Variants in SEC24B observed in about 807,000 individuals in gnomAD.
SEC24B encodes SEC24 homolog B, COPII component.
In SEC24B, 45 loss-of-function variants were observed where a neutral mutation model predicts 142.8. The ratio of observed to expected loss-of-function variants is 0.32; its 90% CI spans 0.25 to 0.40. SEC24B has a LOEUF of 0.40. SEC24B is among the 10% of genes least tolerant of loss of function. The probability of loss-of-function intolerance (pLI) is 1.00; values close to 1 mark genes in which losing one functional copy is unlikely to be tolerated. For missense variants in SEC24B, 1,409 were observed against 1,526.8 expected (o/e 0.92, Z 1.29); for synonymous variants, 574 against 568.2 (o/e 1.01, Z -0.15).
chr4:109,533,510 T>G, intron 21 of SEC24B, 83 bp from the exon 22 acceptor site: 1 of 849,404 alleles, frequency 1.2e-6, no homozygotes, highest in Non-Finnish European at 2.0e-6. Context: ...TTCTACCTTA[T>G]TTGAGGTGAT....
At chr4:109,497,404 T>A (rs1306325193) in intron 6 of SEC24B, among the ~76,000 whole-genome samples, 1 of 152,198 alleles carries the variant, frequency 6.6e-6, no homozygotes, top group Non-Finnish European at 1.5e-5. Context: ...CCTTTTTATA[T>A]TCTGGGTCTA....
At chr4:109,436,374 G>T (rs867639986) in intron 1 of SEC24B, among the ~76,000 whole-genome samples, 1 of 152,150 alleles carries the variant, frequency 6.6e-6, no homozygotes, top group Admixed American at 6.5e-5. Context: ...AAAGTAGTTA[G>T]CCTTTTAATA....
intron 3 of SEC24B, among the ~76,000 whole-genome samples, chr4:109,478,822 G>T (rs1238382050): frequency 4.6e-5 from 7 of 152,162 alleles, no homozygotes; most frequent in African/African-American, 1.7e-4. Flanking sequence ...TTTTTTAGGT[G>T]GGTAAGTTTG....
At chr4:109,522,969 A>G (rs6834714) in intron 14 of SEC24B, among the ~76,000 whole-genome samples, 17,641 of 152,136 alleles carry the variant, frequency 0.12, 3,405 homozygotes, top group African/African-American at 0.4. Context: ...GCCGAGATCA[A>G]GCAATACCCC....
intron 2 of SEC24B, among the ~76,000 whole-genome samples, chr4:109,466,626 G>A (rs1035468941): frequency 6.6e-6 from 1 of 152,168 alleles, no homozygotes; most frequent in Non-Finnish European, 1.5e-5. Flanking sequence ...TGGCCAGGAT[G>A]GTCTTGATCT....
intron 10 of SEC24B, among the ~76,000 whole-genome samples, chr4:109,515,395 C>T (rs181693743): frequency 5.3e-5 from 8 of 152,306 alleles, no homozygotes; most frequent in African/African-American, 1.9e-4. Flanking sequence ...GCTACTGCTC[C>T]TGGCTCCAGT....
At chr4:109,458,486 G>A (rs911808740) in intron 1 of SEC24B, among the ~76,000 whole-genome samples, 1 of 152,162 alleles carries the variant, frequency 6.6e-6, no homozygotes, top group East Asian at 1.9e-4. Context: ...ATTGCAACTG[G>A]TAGGAAGTTA....
intron 22 of SEC24B, among the ~76,000 whole-genome samples, chr4:109,535,293 C>T (rs1411693456): frequency 6.6e-6 from 1 of 152,170 alleles, no homozygotes; most frequent in Non-Finnish European, 1.5e-5. Context: ...GTGGCTCACA[C>T]CTGTAATCCC....
intron 1 of SEC24B, among the ~76,000 whole-genome samples, chr4:109,440,970 G>C (rs1397443712): frequency 6.6e-6 from 1 of 152,050 alleles, no homozygotes; most frequent in Admixed American, 6.6e-5. Flanking sequence ...CCTTATGTCC[G>C]CAAATGCATT....
At position 109,439,595 on chromosome 4, in the gene SEC24B, C is replaced by T. The variant is rs192888688; in HGVS notation, c.133+5593C>T. Among the ~76,000 whole-genome samples, 1,277 of 140,872 alleles carry T rather than the reference C, an allele frequency of 9.1e-3. 23 individuals carry two copies. Among genetic ancestry groups the T allele is most frequent in the African/African-American group, 0.032 (1,219 of 38,076 alleles). 92.4% of individuals were successfully genotyped at this position (140,872 alleles called of 152,430 possible). On this transcript the variant is annotated intron_variant, in intron 1 of 23. Coordinates refer to ENST00000265175, the MANE Select transcript of SEC24B (RefSeq NM_006323.5). ...TCAGCTCACTGCAACCTCCGCCTCC[C>T]GGGTTCAAGCGATTCTCCTGCTCAG...
Position 109,473,133 on chromosome 4 carries a change from C to G in SEC24B, c.1007C>G (p.Pro336Arg). Reference protein sequence around the residue: ...STRTPPTANHPVEPVTSVTQP... With the variant: ...STRTPPTANHRVEPVTSVTQP... ...AGAACACCTCCCACTGCAAATCACC[C>G]AGTTGAGCCTGTGACCTCAGTTACA... is the stretch of plus-strand genomic sequence containing the variant. The change falls in exon 3 of 24, where the codon CCA becomes CGA. Residue 336 changes from proline to arginine, a missense_variant. By Grantham distance (103) the Pro-to-Arg change is moderately radical. Coordinates refer to ENST00000265175, the MANE Select transcript of SEC24B (RefSeq NM_006323.5). 6.3e-7 allele frequency: 1 copy of G among 1,597,694 alleles called. No homozygotes were observed.
chr4:109,455,818 G>A (rs965305810), intron 1 of SEC24B, among the ~76,000 whole-genome samples: 1 of 151,928 alleles, frequency 6.6e-6, no homozygotes, highest in African/African-American at 2.4e-5. Flanking sequence ...ATTGGGTAAT[G>A]TGAGTCTTCC....
Position 109,494,818 on chromosome 4 carries a change from A to C in SEC24B, c.1450A>C (p.Ser484Arg). ...ACCACTTATTTCTGGAGTACAGCCC[A>C]GTAACCCGGTATATTCTGGATTCCA... is the stretch of plus-strand genomic sequence containing the variant. Reference protein sequence around the residue: ...TAPLISGVQPSNPVYSGFQQY... With the variant: ...TAPLISGVQPRNPVYSGFQQY... The change falls in exon 6 of 24, where the codon AGT becomes CGT. Residue 484 changes from serine (S) to arginine (R), a missense_variant. By Grantham distance (110) the Ser-to-Arg change is moderately radical. Transcript: ENST00000265175. 6.2e-7 allele frequency: 1 copy of C among 1,614,152 alleles called. No individual in the cohort carries two copies.
chr4:109,481,756 A>AGAG lies in SEC24B; in HGVS notation c.1152_1154dup (p.Glu384dup). On this transcript the variant is annotated inframe_insertion, in exon 4 of 24. Transcript: ENST00000265175. ...TGTCATCAACTTCCGATGATGAGGAAGAGGAGGAGGAGGATGAGGAAGCAG... is the reference window on the plus strand; with the variant it reads ...TGTCATCAACTTCCGATGATGAGGAAGAGGAGGAGGAGGAGGATGAGGAAGCAG... 6.2e-7 allele frequency: 1 copy of AGAG among 1,613,640 alleles called. No individual in the cohort carries two copies. The highest frequency in any genetic ancestry group is 1.1e-5 in the South Asian group (1 of 91,060).
intron 10 of SEC24B, among the ~76,000 whole-genome samples, chr4:109,514,946 T>C (rs564879720): frequency 1.3e-5 from 2 of 152,332 alleles, no homozygotes; most frequent in African/African-American, 4.8e-5. Flanking sequence ...TTGATCACTT[T>C]TACTCTCAAG....
At chr4:109,500,674 C>T (rs1421849876) in intron 6 of SEC24B, among the ~76,000 whole-genome samples, 5 of 152,022 alleles carry the variant, frequency 3.3e-5, no homozygotes, top group East Asian at 3.9e-4. Flanking sequence ...ATTTTTCCTC[C>T]GGAGTCTCCT....
intron 1 of SEC24B, among the ~76,000 whole-genome samples, chr4:109,442,024 ACTC>A (rs1728975694): frequency 6.6e-6 from 1 of 151,918 alleles, no homozygotes; most frequent in Middle Eastern, 3.2e-3. Flanking sequence ...GTAATCTGAG[ACTC>A]CTCATTTTTG....
chr4:109,529,033 C>T (rs967265487), intron 18 of SEC24B, among the ~76,000 whole-genome samples: 1 of 151,794 alleles, frequency 6.6e-6, no homozygotes, highest in Non-Finnish European at 1.5e-5. Context: ...TGTGGTGGTG[C>T]ACACATGTGG....
At chr4:109,516,315 G>A (rs1227522203) in intron 10 of SEC24B, among the ~76,000 whole-genome samples, 1 of 152,212 alleles carries the variant, frequency 6.6e-6, no homozygotes, top group Non-Finnish European at 1.5e-5. Context: ...CTGTGGCTGT[G>A]TATCAACTGC....
Sources: allele counts gnomAD v4.1 joint callset (sites outside exome capture counted in the v4.1 genomes callset), GRCh38; gene constraint gnomAD v4.1.1; transcripts MANE v1.5; gene names NCBI Gene and HGNC (gene_info 2026-07-23, HGNC 2026-07-21).